The following MAP3K20 variants were observed in gnomAD, a reference collection of about 807,000 sequenced individuals.
MAP3K20 encodes the protein mitogen-activated protein kinase kinase kinase 20.
MAP3K20 carries 40 observed loss-of-function variants against 85.7 expected under a neutral mutation model. The ratio of observed to expected loss-of-function variants is 0.47; its 90% CI spans 0.36 to 0.61. The LOEUF (loss-of-function observed/expected upper bound fraction) is 0.61, where lower values mean the gene tolerates loss of function less well. Among genes scored for constraint, MAP3K20 ranks in the 20% least tolerant of loss-of-function variants. The pLI, the probability that MAP3K20 is intolerant of heterozygous loss-of-function variation, is 0.00. For missense variants in MAP3K20, 817 were observed against 961.7 expected, an observed-to-expected ratio of 0.85 and a Z score of 1.99; for synonymous variants, 325 against 327.7, an observed-to-expected ratio of 0.99 and a Z score of 0.09.
rs1322838259 is a variant in MAP3K20, at chr2:173,266,572, C to T, written c.2225C>T (p.Thr742Ile). ...CCCAGGGACCTCCACCAACCCAACA[C>T]CATACCAGGGATGCCTTTGCACCCT... Reference protein sequence around the residue: ...RSPRDLHQPNTIPGMPLHPET... With the variant: ...RSPRDLHQPNIIPGMPLHPET... The change falls in exon 20 of 20, where the codon ACC (threonine) becomes ATC (isoleucine). Residue 742 changes from threonine (T) to isoleucine (I), a missense_variant. Thr to Ile is a moderately conservative substitution (Grantham distance 89, BLOSUM62 -1). This residue lies in a region of MAP3K20 where 454 missense variants were observed against 476.9 expected (regional missense o/e 0.95). Coordinates refer to ENST00000375213, the MANE Select transcript of MAP3K20 (RefSeq NM_016653.3). 1.4e-5 allele frequency: 22 copies of T among 1,613,848 alleles called. No individual in the cohort carries two copies. Among genetic ancestry groups the T allele is most frequent in the Non-Finnish European group, 1.9e-5 (22 of 1,179,962 alleles).
intron 11 of MAP3K20, chr2:173,221,470 T>C: frequency 6.2e-7 from 1 of 1,610,980 alleles, no homozygotes; most frequent in Non-Finnish European, 8.5e-7. Context: ...TGTCAGAAGG[T>C]GACGATGATG....
At chr2:173,226,447 TTGAG>T (rs1684391205) in intron 11 of MAP3K20, 1 of 985,466 alleles carries the variant, frequency 1.0e-6, no homozygotes, top group Non-Finnish European at 1.2e-6. Context: ...TTTGCTGCTT[TTGAG>T]TAAGACTGTT....
At chr2:173,236,411 T>A (rs1450200440) in intron 14 of MAP3K20, among the ~76,000 whole-genome samples, 2 of 150,320 alleles carry the variant, frequency 1.3e-5, no homozygotes, top group East Asian at 4.0e-4. Context: ...CCCACTAGAG[T>A]GGAGTCAGTG....
rs1470307475 is a variant in MAP3K20, at chr2:173,258,741, A to G, written c.1402A>G (p.Ile468Val). The G allele has an allele frequency of 1.2e-6, 2 of 1,612,708 alleles. No individual in the cohort carries two copies. The highest frequency in any genetic ancestry group is 2.7e-5 in the African/African-American group (2 of 74,892). Residue 468 changes from isoleucine to valine, a missense_variant, in exon 17 of 20, where the codon ATT becomes GTT. Physicochemically the swap from Ile to Val is conservative, Grantham distance 29 (BLOSUM62 3). Coordinates refer to ENST00000375213, the MANE Select transcript of MAP3K20 (RefSeq NM_016653.3). ...KMYMEMDGDE[I>V]AITYIKDVTF... is the part of the protein sequence containing the mutation. ...GTATATGGAGATGGATGGGGATGAA[A>G]TTGCAATAACCTACATAAAAGATGT...
rs11326134 is a variant in MAP3K20 at position 173,258,576 on chromosome 2, GAA to G, written c.1360-112_1360-111del. The G allele has an allele frequency of 8.3e-3, 4,156 of 499,728 alleles. 1 individual carries two copies. Among genetic ancestry groups the G allele is most frequent in the South Asian group, 0.017 (609 of 35,640 alleles). The allele number at this position is 499,728 out of a possible 1,614,324, so 31.0% of individuals were successfully genotyped here. On this transcript the variant is annotated intron_variant, in intron 16 of 19. Transcript: ENST00000375213. ...ATTTCATGTCCTTTTATTGAAAAAGGAAAAAAAAAAAAGCCACTCCAATAATA... is the reference window on the plus strand; with the variant it reads ...ATTTCATGTCCTTTTATTGAAAAAGGAAAAAAAAAAGCCACTCCAATAATA...
intron 11 of MAP3K20, chr2:173,221,476 T>C (rs376385531): frequency 2.8e-5 from 45 of 1,580,396 alleles, no homozygotes; most frequent in South Asian, 2.0e-4. Context: ...AAGGTGACGA[T>C]GATGATGATG....
At chr2:173,116,593 C>T (rs1296704239) in intron 2 of MAP3K20, among the ~76,000 whole-genome samples, 2 of 152,244 alleles carry the variant, frequency 1.3e-5, no homozygotes, top group East Asian at 1.9e-4. Context: ...GCCGCAGGCT[C>T]ATTTCTTCAT....
In MAP3K20 at chr2:173,152,846, C is replaced by T. The variant is rs192009468; in HGVS notation, c.160-16959C>T. 5.3e-5 allele frequency among the ~76,000 whole-genome samples: 8 copies of T among 151,468 alleles called. No homozygotes were observed. The East Asian group carries it at 1.4e-3, about 26-fold the overall frequency. On this transcript the variant is annotated intron_variant, in intron 2 of 19. Transcript: ENST00000375213. ...GTTTCCTACTTTAGGAGATTTGAGG[C>T]TCCCAAGAATATAGTGAAGGCACAC...
intron 2 of MAP3K20, among the ~76,000 whole-genome samples, chr2:173,096,528 C>T (rs914555555): frequency 1.3e-5 from 2 of 151,992 alleles, no homozygotes; most frequent in Admixed American, 6.6e-5. Context: ...TTAGTAGAAA[C>T]GGGGTTTCAC....
chr2:173,107,654 G>A (rs566773566), intron 2 of MAP3K20, among the ~76,000 whole-genome samples: 3 of 152,204 alleles, frequency 2.0e-5, no homozygotes, highest in African/African-American at 4.8e-5. Context: ...GGGCTTTAGC[G>A]TCAGACAGGT....
In MAP3K20 at chr2:173,250,166, A is replaced by G. The variant is rs945067057; in HGVS notation, c.1360-8533A>G. Among the ~76,000 whole-genome samples, 6 of 152,114 alleles carry G rather than the reference A, an allele frequency of 3.9e-5. No individual in the cohort carries two copies. In the East Asian group the frequency reaches 1.2e-3, roughly 29 times the overall value. On this transcript the variant is annotated intron_variant, in intron 16 of 19. Transcript: ENST00000375213. ...CTTTCTTGTATTTTAAAAACCAACT[A>G]CTCTAAGCTTGTTTGAGAATAATCA... is the stretch of plus-strand genomic sequence containing the variant.
chr2:173,232,095 A>C, intron 12 of MAP3K20, 97 bp from the exon 13 acceptor site: 1 of 1,439,334 alleles, frequency 6.9e-7, no homozygotes, highest in Admixed American at 1.8e-5. Flanking sequence ...CAGGAATTAA[A>C]GTTATTTTGA....
chr2:173,240,745 A>T (rs556840522), intron 16 of MAP3K20, among the ~76,000 whole-genome samples: 1 of 152,328 alleles, frequency 6.6e-6, no homozygotes, highest in Admixed American at 6.5e-5. Context: ...AATGTAAATG[A>T]TCCAGCAATC....
At chr2:173,262,286 T>C (rs1234458957) in intron 18 of MAP3K20, among the ~76,000 whole-genome samples, 4 of 152,202 alleles carry the variant, frequency 2.6e-5, no homozygotes, top group Non-Finnish European at 4.4e-5. Flanking sequence ...CTGCCAGGAT[T>C]TGGCTTTTCA....
intron 8 of MAP3K20, among the ~76,000 whole-genome samples, chr2:173,199,162 C>T (rs1440924057): frequency 1.3e-5 from 2 of 152,126 alleles, no homozygotes; most frequent in East Asian, 3.8e-4. Context: ...TCATCTGCTT[C>T]CCAGGTGAAT....
chr2:173,075,590 T>G, upstream of MAP3K20: 1 of 222,040 alleles, frequency 4.5e-6, no homozygotes, highest in Non-Finnish European at 7.6e-6. Flanking sequence ...TAGCAGGTGG[T>G]GTTAATTTGT....
intron 16 of MAP3K20, 57 bp downstream of exon 16, chr2:173,239,553 TTCTGTAACTCCA>T: frequency 2.0e-6 from 3 of 1,504,298 alleles, no homozygotes; most frequent in Non-Finnish European, 2.7e-6. Flanking sequence ...CTTTTTTCTC[TTCTGTAACTCCA>T]TGGTTTTATA....
intron 2 of MAP3K20, among the ~76,000 whole-genome samples, chr2:173,112,115 T>G (rs1024445311): frequency 1.3e-5 from 2 of 152,192 alleles, no homozygotes; most frequent in African/African-American, 4.8e-5. Context: ...GTTTTCCTTA[T>G]AGAGGGCTTT....
At chr2:173,121,602 T>C (rs1219226062) in intron 2 of MAP3K20, among the ~76,000 whole-genome samples, 2 of 152,064 alleles carry the variant, frequency 1.3e-5, no homozygotes, top group African/African-American at 2.4e-5. Context: ...TTAGCCAGGA[T>C]GGTCTCAATC....
Sources: gnomAD v4.1 joint callset for allele counts (sites outside exome capture counted in the v4.1 genomes callset) on GRCh38, gnomAD v4.1.1 for gene constraint, gnomAD v4.1.1 regional missense constraint, MANE v1.5 for transcripts, NCBI Gene and HGNC (gene_info 2026-07-23, HGNC 2026-07-21) for gene names.